Variants in REDIC1 observed in about 807,000 individuals in gnomAD.
The protein encoded by REDIC1 is HEI10 Interacting Protein 1.
chr12:39,703,180 C>G, the REDIC1 span, among the ~76,000 whole-genome samples: 1 of 152,096 alleles, frequency 6.6e-6, no homozygotes, highest in Non-Finnish European at 1.5e-5. Flanking sequence ...CATATATAGA[C>G]AACCCCATTG....
chr12:39,730,553 G>T, the REDIC1 span, among the ~76,000 whole-genome samples: 1 of 152,150 alleles, frequency 6.6e-6, no homozygotes, highest in Non-Finnish European at 1.5e-5. Flanking sequence ...GCTTCCCTTT[G>T]TGAGTAACCT....
At chr12:39,628,398 C>T in the REDIC1 span, among the ~76,000 whole-genome samples, 1 of 152,102 alleles carries the variant, frequency 6.6e-6, no homozygotes, top group African/African-American at 2.4e-5. Context: ...TCAGTCTGAA[C>T]TAGTGCTTTT....
chr12:39,634,893 A>G, the REDIC1 span, among the ~76,000 whole-genome samples: 1 of 152,336 alleles, frequency 6.6e-6, no homozygotes, highest in South Asian at 2.1e-4. Flanking sequence ...CCCGTCAGAC[A>G]AAGGGCTAAT....
chr12:39,704,726 G>T, the REDIC1 span, among the ~76,000 whole-genome samples: 1 of 152,198 alleles, frequency 6.6e-6, no homozygotes, highest in East Asian at 1.9e-4. Context: ...TATAGAGCAT[G>T]GAATACTATG....
the REDIC1 span, among the ~76,000 whole-genome samples, chr12:39,896,356 A>G: frequency 1.3e-4 from 18 of 135,384 alleles, no homozygotes; most frequent in East Asian, 6.4e-4. Flanking sequence ...ATGTATGTAT[A>G]TGTGTATATA....
the REDIC1 span, chr12:39,643,682 A>G: frequency 3.5e-6 from 3 of 859,526 alleles, no homozygotes; most frequent in Non-Finnish European, 5.2e-6. Context: ...AAAAGTATCA[A>G]GTCAATGACT....
chr12:39,652,528 T>C, the REDIC1 span, among the ~76,000 whole-genome samples: 1 of 152,150 alleles, frequency 6.6e-6, no homozygotes, highest in Non-Finnish European at 1.5e-5. Flanking sequence ...TGTGTGACTC[T>C]GGTGAAATGT....
At chr12:39,739,681 C>T in the REDIC1 span, among the ~76,000 whole-genome samples, 2 of 152,048 alleles carry the variant, frequency 1.3e-5, no homozygotes, top group East Asian at 3.9e-4. Context: ...ATAAAAGAGG[C>T]ACAAAAACCA....
chr12:39,751,192 C>A, the REDIC1 span, among the ~76,000 whole-genome samples: 1 of 152,078 alleles, frequency 6.6e-6, no homozygotes, highest in Non-Finnish European at 1.5e-5. Context: ...CCAGAATGTA[C>A]AATGAACTCC....
chr12:39,837,363 G>A, the REDIC1 span, among the ~76,000 whole-genome samples: 2 of 137,432 alleles, frequency 1.5e-5, no homozygotes, highest in East Asian at 2.2e-4. Context: ...AGACTTAAAC[G>A]TTAGACCTAA....
At chr12:39,711,904 C>G in the REDIC1 span, among the ~76,000 whole-genome samples, 2 of 95,500 alleles carry the variant, frequency 2.1e-5, no homozygotes, top group Non-Finnish European at 4.2e-5. Context: ...TACACGTATA[C>G]ACATGTATAT....
chr12:39,647,348 G>T, the REDIC1 span, among the ~76,000 whole-genome samples: 1 of 152,000 alleles, frequency 6.6e-6, no homozygotes, highest in South Asian at 2.1e-4. Flanking sequence ...AAAATGCATA[G>T]ATTATAATTA....
chr12:39,653,492 G>A, the REDIC1 span, among the ~76,000 whole-genome samples: 1 of 54,288 alleles, frequency 1.8e-5, no homozygotes, highest in Non-Finnish European at 4.3e-5. Flanking sequence ...CAATCTGGAT[G>A]TCTTCTTCTT....
chr12:39,663,828 T>G, the REDIC1 span, among the ~76,000 whole-genome samples: 1 of 152,060 alleles, frequency 6.6e-6, no homozygotes, highest in Non-Finnish European at 1.5e-5. Flanking sequence ...AAGCAATTCT[T>G]GTAGGGCAGA....
At chr12:39,713,265 TATGTGTAC>T in the REDIC1 span, among the ~76,000 whole-genome samples, 2 of 44,354 alleles carry the variant, frequency 4.5e-5, no homozygotes, top group African/African-American at 1.9e-4. Context: ...TACGTGTATA[TATGTGTAC>T]ACACACATAC....
the REDIC1 span, among the ~76,000 whole-genome samples, chr12:39,764,271 G>A: frequency 7.9e-5 from 12 of 152,160 alleles, no homozygotes; most frequent in East Asian, 2.3e-3. Context: ...GTGCTGTTTA[G>A]GATAGGAGAA....
At chr12:39,716,748 A>G in the REDIC1 span, 2 of 1,587,924 alleles carry the variant, frequency 1.3e-6, no homozygotes, top group Non-Finnish European at 1.7e-6. Flanking sequence ...TTAAACCTTT[A>G]TTTTCAGCTC....
chr12:39,819,539 T>A, the REDIC1 span, among the ~76,000 whole-genome samples: 1 of 152,174 alleles, frequency 6.6e-6, no homozygotes, highest in Non-Finnish European at 1.5e-5. Context: ...AATTTACACA[T>A]TCTACAATAA....
chr12:39,696,542 CAAAAAAAAAAAAAAAAAAAAAAA>C, the REDIC1 span, among the ~76,000 whole-genome samples: 5 of 11,044 alleles, frequency 4.5e-4, no homozygotes, highest in Admixed American at 4.8e-3. Context: ...GACTCTGTCT[CAAAAAAAAAAAAAAAAAAAAAAA>C]AAAAAAAAAA....
Sources: allele counts gnomAD v4.1 joint callset (sites outside exome capture counted in the v4.1 genomes callset), GRCh38; gene constraint gnomAD v4.1.1; transcripts MANE v1.5; gene names NCBI Gene and HGNC (gene_info 2026-07-23, HGNC 2026-07-21).